PCNT: variants seen among roughly 807,000 people sequenced by gnomAD.
PCNT encodes pericentrin.
In PCNT, 319 loss-of-function variants were observed where a neutral mutation model predicts 380.4. The ratio of observed to expected loss-of-function variants is 0.84; its 90% CI spans 0.77 to 0.92. The LOEUF is 0.92. PCNT is among the 40% of genes least tolerant of loss of function. The pLI is 0.00. For missense variants in PCNT, 4,400 were observed against 4,255.3 expected (o/e 1.03, Z -0.95); for synonymous variants, 1,845 against 1,735.2 (o/e 1.06, Z -1.57).
At chr21:46,378,404 G>A (rs117836165) in intron 15 of PCNT, among the ~76,000 whole-genome samples, 1,814 of 152,216 alleles carry the variant, frequency 0.012, 15 homozygotes, top group Non-Finnish European at 0.018. Flanking sequence ...CCTCTCTTGC[G>A]CTTTGGGGCC....
At position 46,388,925 on chromosome 21, in the gene PCNT, G is replaced by T. The variant is rs1287221904; in HGVS notation, c.3607+41G>T. The T allele has an allele frequency of 1.3e-6, 2 of 1,557,096 alleles. No homozygotes were observed. Among genetic ancestry groups the T allele is most frequent in the African/African-American group, 1.3e-5 (1 of 74,092 alleles). On this transcript the variant is annotated intron_variant, in intron 18 of 46. Coordinates refer to ENST00000359568, the MANE Select transcript of PCNT (RefSeq NM_006031.6). This position sits in a 1 kb window ranked among gnomAD's most constrained non-coding sequence, Gnocchi z 4.2. ...CCAGCTGCCCAGCCCTGTGCTTGCAGCCCCTCTGTGGTCCTGGAGCTCTCT... is the reference window on the plus strand; with the variant it reads ...CCAGCTGCCCAGCCCTGTGCTTGCATCCCCTCTGTGGTCCTGGAGCTCTCT...
chr21:46,333,898 A>G (rs969029610), intron 2 of PCNT, among the ~76,000 whole-genome samples: 15 of 150,772 alleles, frequency 9.9e-5, no homozygotes, highest in African/African-American at 3.7e-4. Flanking sequence ...TAGGGAAATT[A>G]CTTGCATTAT....
At chr21:46,387,862 G>T (rs2085893191) in intron 17 of PCNT, among the ~76,000 whole-genome samples, 1 of 152,122 alleles carries the variant, frequency 6.6e-6, no homozygotes, top group Admixed American at 6.5e-5. Context: ...AAATCATAGT[G>T]CAGGGAGCGA....
At chr21:46,400,974 A>G (rs1468044900) in intron 25 of PCNT, among the ~76,000 whole-genome samples, 1 of 152,140 alleles carries the variant, frequency 6.6e-6, no homozygotes, top group African/African-American at 2.4e-5. Context: ...CACTGCACAC[A>G]TTTCAGTGAC....
chr21:46,338,304 C>T (rs1023560131), intron 3 of PCNT, among the ~76,000 whole-genome samples: 2 of 152,184 alleles, frequency 1.3e-5, no homozygotes, highest in African/African-American at 2.4e-5. Context: ...TCTAACCAGC[C>T]GCTCTCTCCT....
chr21:46,445,140 T>C, intron 46 of PCNT, 144 bp from the exon 47 acceptor site: 1 of 714,070 alleles, frequency 1.4e-6, no homozygotes, highest in Non-Finnish European at 2.6e-6. Context: ...TTCTTAAATA[T>C]CATAATTTAA....
intron 2 of PCNT, 63 bp from the exon 3 acceptor site, chr21:46,334,334 G>A (rs2146355501): frequency 6.2e-7 from 1 of 1,611,970 alleles, no homozygotes; most frequent in Non-Finnish European, 8.5e-7. Context: ...GAGCTGGGAA[G>A]GGCCTGAGGC....
chr21:46,378,500 G>C (rs894123280), intron 15 of PCNT, among the ~76,000 whole-genome samples: 2 of 152,152 alleles, frequency 1.3e-5, no homozygotes, highest in African/African-American at 4.8e-5. Context: ...CTGCGTGTGG[G>C]CAGGTAGTGC....
Position 46,413,646 on chromosome 21 carries a change from A to G in PCNT, c.6150+654A>G, listed in dbSNP as rs1054106553. Among the ~76,000 whole-genome samples the G allele has an allele frequency of 3.3e-5, 5 of 152,204 alleles. No homozygotes were observed. In the East Asian group the frequency reaches 5.8e-4, roughly 18 times the overall value. On this transcript the variant is annotated intron_variant, in intron 29 of 46. Coordinates refer to ENST00000359568, the MANE Select transcript of PCNT (RefSeq NM_006031.6). Reference sequence around the variant, plus strand: ...AGGGTTAGTCCTGGTTTGTCTTTTCATGGGAGGACCACATCGCCCCCGTGG... The same window carrying G: ...AGGGTTAGTCCTGGTTTGTCTTTTCGTGGGAGGACCACATCGCCCCCGTGG...
intron 33 of PCNT, 105 bp downstream of exon 33, chr21:46,426,076 T>TC: frequency 3.6e-6 from 3 of 841,722 alleles, no homozygotes; most frequent in Admixed American, 3.5e-5. Context: ...TTTCTTTTTT[T>TC]TTTTTTTTTT....
At chr21:46,350,689 A>C (rs1026392763) in intron 8 of PCNT, among the ~76,000 whole-genome samples, 1 of 151,832 alleles carries the variant, frequency 6.6e-6, no homozygotes, top group South Asian at 2.1e-4. Flanking sequence ...TCCCAGCGGG[A>C]CTCTGGTGCC....
In PCNT at chr21:46,425,691, G is replaced by C. The variant is rs541619307; in HGVS notation, c.7180-140G>C. On this transcript the variant is annotated intron_variant, in intron 32 of 46. Coordinates refer to ENST00000359568, the MANE Select transcript of PCNT (RefSeq NM_006031.6). The surrounding 1 kb of genome is among the most constrained non-coding windows in gnomAD (Gnocchi z 4.2). ...CTTGAGAAGTGGGTGCCGCCTGTAC[G>C]AAGCCGAGGCGGTGCCCTCCCTCTC... The C allele has an allele frequency of 7.0e-5, 85 of 1,212,386 alleles. No individual in the cohort carries two copies. In the African/African-American group the frequency reaches 1.1e-3, roughly 15 times the overall value. 75.1% of individuals were successfully genotyped at this position (1,212,386 alleles called of 1,614,324 possible).
intron 21 of PCNT, among the ~76,000 whole-genome samples, chr21:46,393,449 C>CG (rs1326516148): frequency 6.6e-6 from 1 of 152,038 alleles, no homozygotes; most frequent in Non-Finnish European, 1.5e-5. Flanking sequence ...CTCTGCTGTC[C>CG]GGGGGCAGCC....
chr21:46,368,938 G>C (rs566226651), intron 15 of PCNT, among the ~76,000 whole-genome samples: 9 of 152,250 alleles, frequency 5.9e-5, no homozygotes, highest in Admixed American at 5.9e-4. Flanking sequence ...CTTCCTGACT[G>C]TGGGGAACAG....
At chr21:46,356,910 G>T in intron 12 of PCNT, 64 bp from the exon 13 acceptor site, 1 of 1,415,420 alleles carries the variant, frequency 7.1e-7, no homozygotes, top group South Asian at 1.1e-5. Context: ...TGCCTGTGCG[G>T]ACTGTGGGCT....
At chr21:46,418,934 A>G (rs928820769) in intron 31 of PCNT, among the ~76,000 whole-genome samples, 2 of 151,750 alleles carry the variant, frequency 1.3e-5, no homozygotes, top group Non-Finnish European at 2.9e-5. Context: ...GGTTTCCTCC[A>G]CCTCCTTCTG....
At chr21:46,419,075 C>T (rs1011456047) in intron 31 of PCNT, among the ~76,000 whole-genome samples, 2 of 152,022 alleles carry the variant, frequency 1.3e-5, no homozygotes, top group African/African-American at 4.8e-5. Context: ...TTTTTCATTT[C>T]ATAACTTTTT....
chr21:46,412,908 G>A lies in PCNT; in HGVS notation c.6066G>A (p.Val2022=). ...GCAAGCAAGAAGGCGTGATGTCAGT[G>A]CTCACCGTCTGCCAGAGGCAGCTGC... ...PLCKQEGVMS[V]LTVCQRQLQS... The change falls in exon 29 of 47, where the codon GTG becomes GTA. Residue 2022 remains valine (V), a synonymous_variant. Transcript: ENST00000359568. 6.2e-7 allele frequency: 1 copy of A among 1,612,742 alleles called. No individual in the cohort carries two copies. Among genetic ancestry groups the A allele is most frequent in the Non-Finnish European group, 8.5e-7 (1 of 1,180,020 alleles).
rs1013539612 is a variant in PCNT, at chr21:46,425,247, G to T, written c.7180-584G>T. Among the ~76,000 whole-genome samples the T allele has an allele frequency of 6.6e-6, 1 of 152,148 alleles. No individual in the cohort carries two copies. The highest frequency in any genetic ancestry group is 6.5e-5 in the Admixed American group (1 of 15,280). On this transcript the variant is annotated intron_variant, in intron 32 of 46. Transcript: ENST00000359568. The surrounding 1 kb of genome is among the most constrained non-coding windows in gnomAD (Gnocchi z 4.2). ...TCCGGACACCAGCTGCTGCGTAATC[G>T]GTGGGATAAAGCAGCCGCCTCGTGT...
Sources: allele counts gnomAD v4.1 joint callset (sites outside exome capture counted in the v4.1 genomes callset), GRCh38; gene constraint gnomAD v4.1.1; non-coding constraint Gnocchi (gnomAD v3.1); transcripts MANE v1.5; gene names NCBI Gene and HGNC (gene_info 2026-07-23, HGNC 2026-07-21).